MAPK4: variants seen among roughly 807,000 people sequenced by gnomAD.
The protein encoded by MAPK4 is Erk3-related.
Under a neutral mutation model 47.7 loss-of-function variants are expected in MAPK4, and 22 were observed. The observed-to-expected ratio is 0.46, with a 90% CI of 0.33 to 0.66. The LOEUF (loss-of-function observed/expected upper bound fraction) is 0.66, where lower values mean the gene tolerates loss of function less well. Among genes scored for constraint, MAPK4 ranks in the 30% least tolerant of loss-of-function variants. The probability of loss-of-function intolerance (pLI) is 0.02; values close to 1 mark genes in which losing one functional copy is unlikely to be tolerated. For synonymous variants in MAPK4, 390 were observed against 365.7 expected (o/e 1.07, Z -0.76); for missense variants, 736 against 831.7 (o/e 0.88, Z 1.42).
At chr18:50,685,026 A>G (rs1908797506) in intron 2 of MAPK4, among the ~76,000 whole-genome samples, 1 of 152,156 alleles carries the variant, frequency 6.6e-6, no homozygotes, top group African/African-American at 2.4e-5. Context: ...CCTAGCTCAC[A>G]GCACTCATGA....
intron 1 of MAPK4, among the ~76,000 whole-genome samples, chr18:50,586,568 C>T (rs1324038020): frequency 6.6e-6 from 1 of 151,766 alleles, no homozygotes; most frequent in Non-Finnish European, 1.5e-5. Flanking sequence ...GCCTCAGAGT[C>T]CTCATCTGCA....
chr18:50,627,372 G>A (rs575694226), intron 1 of MAPK4, among the ~76,000 whole-genome samples: 1 of 152,206 alleles, frequency 6.6e-6, no homozygotes, highest in African/African-American at 2.4e-5. Context: ...ACAATGGATA[G>A]CAATAGTTCC....
In MAPK4 at chr18:50,729,570, G is replaced by A. The variant is rs1256899214; in HGVS notation, c.1480G>A (p.Ala494Thr). ...DEPASLFLEI[A>T]QWVKSTQGGP... ...GCCGGCCAGCCTCTTCCTGGAGATC[G>A]CGCAGTGGGTCAAGAGCACGCAGGG... The change falls in exon 6 of 6, where the codon GCG becomes ACG. Residue 494 changes from alanine to threonine, a missense_variant. Coordinates refer to ENST00000400384, the MANE Select transcript of MAPK4 (RefSeq NM_002747.4). 3 of 1,423,926 alleles carry A rather than the reference G, an allele frequency of 2.1e-6. No homozygotes were observed. The highest frequency in any genetic ancestry group is 2.8e-6 in the Non-Finnish European group (3 of 1,087,880). The allele number at this position is 1,423,926 out of a possible 1,614,324, so 88.2% of individuals were successfully genotyped here. A position where few individuals can be genotyped will look rare whatever the true frequency, so the allele number is the denominator to read the frequency against.
intron 1 of MAPK4, among the ~76,000 whole-genome samples, chr18:50,626,027 T>G (rs2042775174): frequency 1.3e-5 from 2 of 152,092 alleles, no homozygotes; most frequent in Non-Finnish European, 2.9e-5. Flanking sequence ...AAACCCAGGA[T>G]AAGCTGAGGT....
At chr18:50,619,576 A>C (rs1157828818) in intron 1 of MAPK4, among the ~76,000 whole-genome samples, 65 of 151,988 alleles carry the variant, frequency 4.3e-4, no homozygotes, top group Non-Finnish European at 5.9e-5. Flanking sequence ...CAGTCCTCCC[A>C]CCTCAGCCTC....
intron 1 of MAPK4, among the ~76,000 whole-genome samples, chr18:50,582,880 C>T (rs779657177): frequency 6.6e-6 from 1 of 152,256 alleles, no homozygotes; most frequent in Non-Finnish European, 1.5e-5. Flanking sequence ...TGTTACAGCT[C>T]TTGCTCAGAA....
chr18:50,731,494 C>G lies in MAPK4; in HGVS notation c.*1640C>G, dbSNP rs1015264880. On this transcript the variant is annotated 3_prime_UTR_variant, in exon 6 of 6. Coordinates refer to ENST00000400384, the MANE Select transcript of MAPK4 (RefSeq NM_002747.4). ...TCTAATCAGCAAACTATAATTTGTACGTTGAAACCTGCAACACATTAGAAA... is the reference window on the plus strand; with the variant it reads ...TCTAATCAGCAAACTATAATTTGTAGGTTGAAACCTGCAACACATTAGAAA... The G allele has an allele frequency of 2.6e-5, 4 of 152,358 alleles. No individual in the cohort carries two copies. Among genetic ancestry groups the G allele is most frequent in the African/African-American group, 9.7e-5 (4 of 41,438 alleles). 9.4% of individuals were successfully genotyped at this position (152,358 alleles called of 1,614,324 possible). A position where few individuals can be genotyped will look rare whatever the true frequency, so the allele number is the denominator to read the frequency against.
At position 50,729,627 on chromosome 18, in the gene MAPK4, G is replaced by A. The variant is rs1397786363; in HGVS notation, c.1537G>A (p.Asp513Asn). The change falls in exon 6 of 6, where the codon GAC (aspartate) becomes AAC (asparagine). Residue 513 changes from aspartate to asparagine, a missense_variant. Around this residue, in one of 3 missense-constraint regions of MAPK4, gnomAD observed 377 missense variants for 378.6 expected, o/e 1.00. Coordinates refer to ENST00000400384, the MANE Select transcript of MAPK4 (RefSeq NM_002747.4). ...AGAGCACGCCAGCCCGCCCGCCGAC[G>A]ACCCCGAGCGCCGCTTGTCTGCCTC... ...GPEHASPPAD[D>N]PERRLSASPP... The A allele has an allele frequency of 1.4e-6, 2 of 1,399,110 alleles. No homozygotes were observed. The highest frequency in any genetic ancestry group is 1.9e-6 in the Non-Finnish European group (2 of 1,078,626). The allele number at this position is 1,399,110 out of a possible 1,614,324, so 86.7% of individuals were successfully genotyped here.
chr18:50,650,662 C>T (rs1195258446), intron 1 of MAPK4, among the ~76,000 whole-genome samples: 1 of 152,218 alleles, frequency 6.6e-6, no homozygotes, highest in Non-Finnish European at 1.5e-5. Context: ...TGCACTTCCT[C>T]ACCAGGACAG....
chr18:50,711,236 G>A (rs1386424504), intron 2 of MAPK4, among the ~76,000 whole-genome samples: 1 of 152,216 alleles, frequency 6.6e-6, no homozygotes, highest in East Asian at 1.9e-4. Flanking sequence ...CACCTCTGAA[G>A]CTTTTAAAGT....
chr18:50,575,015 T>C (rs1285204339), intron 1 of MAPK4, among the ~76,000 whole-genome samples: 3 of 152,210 alleles, frequency 2.0e-5, no homozygotes, highest in Non-Finnish European at 4.4e-5. Context: ...GGATGCTCTG[T>C]CTAATATTCA....
intron 1 of MAPK4, among the ~76,000 whole-genome samples, chr18:50,608,222 G>C (rs1458326981): frequency 6.6e-6 from 1 of 152,126 alleles, no homozygotes; most frequent in African/African-American, 2.4e-5. Flanking sequence ...TCACCCCTGA[G>C]GATTCAGATA....
At chr18:50,605,746 C>T (rs1018277519) in intron 1 of MAPK4, among the ~76,000 whole-genome samples, 1 of 152,180 alleles carries the variant, frequency 6.6e-6, no homozygotes, top group South Asian at 2.1e-4. Context: ...CCGGGGCAGG[C>T]CTTCCCTAGC....
At chr18:50,602,138 T>A (rs2042546564) in intron 1 of MAPK4, among the ~76,000 whole-genome samples, 1 of 152,198 alleles carries the variant, frequency 6.6e-6, no homozygotes, top group East Asian at 1.9e-4. Context: ...GAAATATGAT[T>A]CCATAGACAA....
intron 1 of MAPK4, among the ~76,000 whole-genome samples, chr18:50,656,996 C>A (rs1238853754): frequency 6.6e-6 from 1 of 152,188 alleles, no homozygotes; most frequent in Admixed American, 6.5e-5. Flanking sequence ...TAGTTGCAGG[C>A]GTGGCTCAGC....
chr18:50,571,561 C>A (rs1316887202), intron 1 of MAPK4, among the ~76,000 whole-genome samples: 1 of 152,174 alleles, frequency 6.6e-6, no homozygotes, highest in Non-Finnish European at 1.5e-5. Flanking sequence ...CAGCATGATT[C>A]ACTTTAGGTA....
chr18:50,602,711 C>T (rs777106578), intron 1 of MAPK4, among the ~76,000 whole-genome samples: 25 of 152,026 alleles, frequency 1.6e-4, no homozygotes, highest in East Asian at 5.8e-4. Flanking sequence ...ATTGGTGTGA[C>T]GAGTGATGTT....
At chr18:50,633,669 C>T (rs767499753) in intron 1 of MAPK4, among the ~76,000 whole-genome samples, 92 of 152,320 alleles carry the variant, frequency 6.0e-4, no homozygotes, top group Non-Finnish European at 1.1e-3. Flanking sequence ...AGTGGCTTTG[C>T]ACTGCCTAAG....
At chr18:50,613,217 T>C (rs1361895886) in intron 1 of MAPK4, among the ~76,000 whole-genome samples, 1 of 152,188 alleles carries the variant, frequency 6.6e-6, no homozygotes, top group Non-Finnish European at 1.5e-5. Context: ...GATCATGTTA[T>C]GTTATAGAAG....
Sources: allele counts gnomAD v4.1 joint callset (sites outside exome capture counted in the v4.1 genomes callset), GRCh38; gene constraint gnomAD v4.1.1; regional missense constraint gnomAD v4.1.1; transcripts MANE v1.5; gene names NCBI Gene and HGNC (gene_info 2026-07-23, HGNC 2026-07-21).